The following MAST2 variants were observed in gnomAD, a reference collection of about 807,000 sequenced individuals.
MAST2 encodes the protein microtubule associated serine/threonine kinase 2, also known as microtubule-associated serine/threonine-protein kinase 2.
MAST2 carries 70 observed loss-of-function variants against 147.4 expected under a neutral mutation model. The observed-to-expected ratio is 0.47, with a 90% CI of 0.39 to 0.58. The LOEUF (loss-of-function observed/expected upper bound fraction) is 0.58, where lower values mean the gene tolerates loss of function less well. MAST2 is among the 20% of genes least tolerant of loss of function. MAST2 has a pLI of 0.00. For missense variants in MAST2, 2,080 were observed against 2,302.3 expected (o/e 0.90, Z 1.98); for synonymous variants, 869 against 896.8 (o/e 0.97, Z 0.55).
At chr1:45,868,817 T>C (rs1646265421) in intron 3 of MAST2, among the ~76,000 whole-genome samples, 1 of 152,200 alleles carries the variant, frequency 6.6e-6, no homozygotes, top group Non-Finnish European at 1.5e-5. Context: ...GAAATTTCAT[T>C]TTAAAAAGGC....
At chr1:45,862,168 C>T (rs139296529) in intron 3 of MAST2, among the ~76,000 whole-genome samples, 13 of 152,224 alleles carry the variant, frequency 8.5e-5, no homozygotes, top group Non-Finnish European at 1.3e-4. Flanking sequence ...CAGGTTGTGG[C>T]AGGAAATTTT....
At chr1:45,985,150 C>T (rs904098120) in intron 5 of MAST2, among the ~76,000 whole-genome samples, 2 of 152,050 alleles carry the variant, frequency 1.3e-5, no homozygotes, top group African/African-American at 2.4e-5. Flanking sequence ...CTCCACCTCC[C>T]GGGTTCAAAT....
intron 11 of MAST2, among the ~76,000 whole-genome samples, 188 bp downstream of exon 11, chr1:46,019,885 G>A (rs1219805235): frequency 6.6e-6 from 1 of 152,236 alleles, no homozygotes; most frequent in Non-Finnish European, 1.5e-5. Context: ...GGTCCTGAGG[G>A]GATGCGGCAG....
Position 46,031,502 on chromosome 1 carries a change from CAACAG to C in MAST2, c.3106_3110del (p.Thr1036GlufsTer90), listed in dbSNP as rs756342482. The C allele has an allele frequency of 1.2e-6, 2 of 1,614,186 alleles. No homozygotes were observed. Among genetic ancestry groups the C allele is most frequent in the Non-Finnish European group, 1.7e-6 (2 of 1,180,032 alleles). ...CGCCACCGGCTGCTCTCTGGGGACTCAACAGAGAAGCGCACTGCTCGCCCTGTCAA... is the reference window on the plus strand; with the variant it reads ...CGCCACCGGCTGCTCTCTGGGGACTCAGAAGCGCACTGCTCGCCCTGTCAA... On this transcript the variant is annotated frameshift_variant, in exon 24 of 29. Transcript: ENST00000361297. LOFTEE classifies it high-confidence loss of function. This position sits in a 1 kb window ranked among gnomAD's most constrained non-coding sequence, Gnocchi z 4.1.
At chr1:45,888,559 T>C (rs1459642125) in intron 4 of MAST2, among the ~76,000 whole-genome samples, 1 of 151,352 alleles carries the variant, frequency 6.6e-6, no homozygotes, top group Admixed American at 6.6e-5. Context: ...AGACCGGGTA[T>C]CACTCTGTTA....
intron 5 of MAST2, among the ~76,000 whole-genome samples, chr1:45,982,946 G>A (rs925224714): frequency 6.6e-6 from 1 of 152,202 alleles, no homozygotes; most frequent in Non-Finnish European, 1.5e-5. Context: ...TGAAAAGTCT[G>A]CAGAGCCTGG....
intron 7 of MAST2, among the ~76,000 whole-genome samples, chr1:46,005,634 A>G (rs1367100627): frequency 1.3e-5 from 2 of 152,334 alleles, no homozygotes; most frequent in Non-Finnish European, 2.9e-5. Flanking sequence ...GAGTGTTTTC[A>G]GGTCAAGCCT....
intron 1 of MAST2, among the ~76,000 whole-genome samples, chr1:45,815,025 A>G (rs1644410227): frequency 1.3e-5 from 2 of 152,202 alleles, no homozygotes. Context: ...AGGTGATACC[A>G]TCTTAGTTGT....
intron 1 of MAST2, among the ~76,000 whole-genome samples, chr1:45,804,728 C>T (rs911237197): frequency 6.6e-6 from 1 of 152,202 alleles, no homozygotes; most frequent in Non-Finnish European, 1.5e-5. Flanking sequence ...TACAAATATT[C>T]ATGGAGTTTC....
In MAST2 at chr1:46,034,763, C is replaced by T. The variant is rs1646830540; in HGVS notation, c.4094C>T (p.Pro1365Leu). The change falls in exon 29 of 29, where the codon CCC becomes CTC. Residue 1365 changes from proline (P) to leucine (L), a missense_variant. By Grantham distance (98) the Pro-to-Leu change is moderately conservative. Transcript: ENST00000361297. Reference sequence around the variant, plus strand: ...GCTTCACCTCAGCGGTCCCCATCGCCCCTGTCTGGCCATGTAGCCCAGGCC... The same window carrying T: ...GCTTCACCTCAGCGGTCCCCATCGCTCCTGTCTGGCCATGTAGCCCAGGCC... ...PTASPQRSPSPLSGHVAQAFP... is the reference protein window; with the variant it reads ...PTASPQRSPSLLSGHVAQAFP... 6.2e-7 allele frequency: 1 copy of T among 1,613,858 alleles called. No homozygotes were observed. Among genetic ancestry groups the T allele is most frequent in the Non-Finnish European group, 8.5e-7 (1 of 1,180,034 alleles).
rs10681055 is a variant in MAST2 at position 45,805,052 on chromosome 1, A to ATTTTT, written c.177+991_177+995dup. Reference sequence around the variant, plus strand: ...AGATAAATTAGCATTTTCCTTAGACATTTTTTTTTTTTTTTGAGACGAAGT... The same window carrying ATTTTT: ...AGATAAATTAGCATTTTCCTTAGACATTTTTTTTTTTTTTTTTTTTGAGACGAAGT... On this transcript the variant is annotated intron_variant, in intron 1 of 28. Coordinates refer to ENST00000361297, the MANE Select transcript of MAST2 (RefSeq NM_015112.3). 2.3e-4 allele frequency among the ~76,000 whole-genome samples: 33 copies of ATTTTT among 143,564 alleles called. 2 individuals carry two copies. Among genetic ancestry groups the ATTTTT allele is most frequent in the South Asian group, 4.3e-4 (2 of 4,604 alleles). 94.2% of individuals were successfully genotyped at this position (143,564 alleles called of 152,430 possible).
At chr1:46,010,455 G>A (rs1645665766) in intron 9 of MAST2, among the ~76,000 whole-genome samples, 3 of 152,214 alleles carry the variant, frequency 2.0e-5, no homozygotes, top group Admixed American at 2.0e-4. Context: ...ACACCTGTGT[G>A]TCCGTACAGC....
At chr1:45,992,333 G>A (rs1252454903) in intron 5 of MAST2, among the ~76,000 whole-genome samples, 1 of 152,156 alleles carries the variant, frequency 6.6e-6, no homozygotes, top group Non-Finnish European at 1.5e-5. Flanking sequence ...GTATGTTGAT[G>A]TGGTAGGTAA....
intron 4 of MAST2, among the ~76,000 whole-genome samples, chr1:45,933,284 A>C (rs1354741325): frequency 6.6e-6 from 1 of 151,564 alleles, no homozygotes; most frequent in Non-Finnish European, 1.5e-5. Context: ...ATGGTTGCCC[A>C]TACTTAGGTT....
intron 3 of MAST2, among the ~76,000 whole-genome samples, chr1:45,881,685 C>G (rs1015084360): frequency 6.6e-6 from 1 of 152,074 alleles, no homozygotes; most frequent in Non-Finnish European, 1.5e-5. Context: ...AATCCTATTT[C>G]ATTCCTTCTG....
intron 4 of MAST2, among the ~76,000 whole-genome samples, chr1:45,932,499 C>A (rs543561332): frequency 6.6e-6 from 1 of 152,134 alleles, no homozygotes; most frequent in Non-Finnish European, 1.5e-5. Context: ...CGTGGTGAAA[C>A]CCTGTCTGTA....
chr1:45,957,709 T>A (rs1235530497), intron 4 of MAST2, among the ~76,000 whole-genome samples: 1 of 152,148 alleles, frequency 6.6e-6, no homozygotes, highest in Non-Finnish European at 1.5e-5. Flanking sequence ...TGTGAATTAG[T>A]TGTCTTGGAG....
intron 1 of MAST2, among the ~76,000 whole-genome samples, chr1:45,813,200 T>C (rs371666058): frequency 6.6e-6 from 1 of 152,134 alleles, no homozygotes; most frequent in African/African-American, 2.4e-5. Context: ...GAAAAAAATA[T>C]CTATACATGT....
chr1:46,034,674 C>A lies in MAST2; in HGVS notation c.4005C>A (p.Arg1335=). The A allele has an allele frequency of 6.2e-7, 1 of 1,614,190 alleles. No individual in the cohort carries two copies. Residue 1335 remains arginine, a synonymous_variant, in exon 29 of 29, where the codon CGC becomes CGA. Transcript: ENST00000361297. ...AACGCCAGTACCGCTCTCCACGGCG[C>A]AAGTCAGCAGGCAGCATCCCACTGT... ...KLQRQYRSPR[R]KSAGSIPLSP... is the part of the protein sequence containing the mutation.
Sources: gnomAD v4.1 joint callset for allele counts (sites outside exome capture counted in the v4.1 genomes callset) on GRCh38, gnomAD v4.1.1 for gene constraint, Gnocchi (gnomAD v3.1) non-coding constraint, MANE v1.5 for transcripts, NCBI Gene and HGNC (gene_info 2026-07-23, HGNC 2026-07-21) for gene names.